Variants in ANO3 observed in about 807,000 individuals in gnomAD.
The protein encoded by ANO3 is anoctamin 3.
A neutral mutation model predicts 144.8 loss-of-function variants in ANO3; 99 were observed. The ratio of observed to expected loss-of-function variants is 0.68; its 90% CI spans 0.58 to 0.81. The LOEUF (loss-of-function observed/expected upper bound fraction) is 0.81. Among genes scored for constraint, ANO3 ranks in the 30% least tolerant of loss-of-function variants. ANO3 has a pLI of 0.00. For missense variants in ANO3, 905 were observed against 1,202.2 expected (o/e 0.75, Z 3.66); for synonymous variants, 414 against 392.6 (o/e 1.05, Z -0.64).
At position 26,598,974 on chromosome 11, in the gene ANO3, TTC is replaced by T; in HGVS notation, c.1649_1650del (p.Ser550CysfsTer65). ...SSDKVTRLLV[S>X]VSGIFFMISL... ...CAGACAAAGTCACTCGTCTTCTTGT[TTC>T]TGTCTCAGGAATATTCTTCATGGTA... On this transcript the variant is annotated frameshift_variant, in exon 16 of 27. Transcript: ENST00000256737. LOFTEE classifies it high-confidence loss of function. 6.2e-7 allele frequency: 1 copy of T among 1,614,032 alleles called. No homozygotes were observed. The highest frequency in any genetic ancestry group is 1.6e-4 in the Middle Eastern group (1 of 6,062).
At chr11:26,437,737 G>A (rs1361635995) in intron 1 of ANO3, among the ~76,000 whole-genome samples, 1 of 152,060 alleles carries the variant, frequency 6.6e-6, no homozygotes, top group African/African-American at 2.4e-5. Context: ...CCATGTTTAT[G>A]TTCATGTATG....
intron 5 of ANO3, among the ~76,000 whole-genome samples, chr11:26,508,943 C>T (rs567769991): frequency 2.2e-3 from 327 of 151,664 alleles, no homozygotes; most frequent in African/African-American, 7.4e-3. Flanking sequence ...TCAAATCATA[C>T]GCTTCTCTCC....
chr11:26,311,047 T>C (rs1439495031), intron 1 of ANO3, among the ~76,000 whole-genome samples: 1 of 152,188 alleles, frequency 6.6e-6, no homozygotes, highest in Non-Finnish European at 1.5e-5. Context: ...CAGAAGTTTC[T>C]TCATACTCAA....
rs1246785663 is a variant in ANO3 at position 26,408,469 on chromosome 11, G to GAAAC, written c.47-33446_47-33443dup. 6.0e-5 allele frequency among the ~76,000 whole-genome samples: 9 copies of GAAAC among 151,182 alleles called. No homozygotes were observed. The East Asian group carries it at 1.8e-3, about 30-fold the overall frequency. ...AGAATGGCAATCATTAAAAAGTCAGGAAACAACAGGTGCTGGAGAGGATGT... is the reference window on the plus strand; with the variant it reads ...AGAATGGCAATCATTAAAAAGTCAGGAAACAAACAACAGGTGCTGGAGAGGATGT... On this transcript the variant is annotated intron_variant, in intron 1 of 26. Transcript: ENST00000256737.
In ANO3 at chr11:26,378,626, G is replaced by A. The variant is rs529163440; in HGVS notation, c.46+46305G>A. Reference sequence around the variant, plus strand: ...CCAAATGTATAAAAAATGCATTGTTGTTAGCTCTGAGCGGTTTCAATTAAA... The same window carrying A: ...CCAAATGTATAAAAAATGCATTGTTATTAGCTCTGAGCGGTTTCAATTAAA... On this transcript the variant is annotated intron_variant, in intron 1 of 26. Coordinates refer to ENST00000256737, the MANE Select transcript of ANO3 (RefSeq NM_031418.4). Among the ~76,000 whole-genome samples, 3 of 151,906 alleles carry A rather than the reference G, an allele frequency of 2.0e-5. No homozygotes were observed. The East Asian group carries it at 5.8e-4, about 29-fold the overall frequency.
intron 1 of ANO3, among the ~76,000 whole-genome samples, chr11:26,195,277 T>C (rs1353294425): frequency 6.6e-6 from 1 of 152,168 alleles, no homozygotes; most frequent in African/African-American, 2.4e-5. Flanking sequence ...ATTAGCAACA[T>C]GCAACAGTGT....
At chr11:26,489,943 A>G (rs1375167983) in intron 4 of ANO3, among the ~76,000 whole-genome samples, 1 of 152,188 alleles carries the variant, frequency 6.6e-6, no homozygotes, top group East Asian at 1.9e-4. Flanking sequence ...ATTTTGGTTA[A>G]TGCTGAAATG....
chr11:26,603,615 C>A (rs938238588), intron 17 of ANO3, among the ~76,000 whole-genome samples: 2 of 151,878 alleles, frequency 1.3e-5, no homozygotes, highest in African/African-American at 4.8e-5. Flanking sequence ...ACATGAAATA[C>A]AGTTATATAA....
At chr11:26,516,363 C>G (rs1861864280) in intron 5 of ANO3, among the ~76,000 whole-genome samples, 1 of 151,166 alleles carries the variant, frequency 6.6e-6, no homozygotes, top group Non-Finnish European at 1.5e-5. Flanking sequence ...AGTATTATCA[C>G]AGGACCAAGC....
rs368991731 is a variant in ANO3, at chr11:26,403,902, G to A, written c.47-38016G>A. On this transcript the variant is annotated intron_variant, in intron 1 of 26. Transcript: ENST00000256737. ...GGATGATCATTTCCCAGATATTTGT[G>A]TGCTTTGCTTCCCATTTCATTCAGA... Among the ~76,000 whole-genome samples, 30 of 151,888 alleles carry A rather than the reference G, an allele frequency of 2.0e-4. No homozygotes were observed. In the South Asian group the frequency reaches 6.0e-3, roughly 30 times the overall value.
rs1859471890 is a variant in ANO3 at position 26,463,065 on chromosome 11, G to C, written c.349G>C (p.Glu117Gln). ...GKDKDYTDES[E>Q]HATYDRSRLI... ...AGATAAGGATTACACGGATGAATCA[G>C]AACACGCTACTTATGACCGATCTCG... Residue 117 changes from glutamate (E) to glutamine (Q), a missense_variant, in exon 4 of 27, where the codon GAA becomes CAA. Physicochemically the swap from Glu to Gln is conservative, Grantham distance 29. Transcript: ENST00000256737. 4.4e-6 allele frequency: 7 copies of C among 1,596,432 alleles called. No homozygotes were observed. Among genetic ancestry groups the C allele is most frequent in the African/African-American group, 1.3e-5 (1 of 74,098 alleles).
chr11:26,454,708 T>C (rs1859082979), intron 3 of ANO3, among the ~76,000 whole-genome samples: 1 of 151,312 alleles, frequency 6.6e-6, no homozygotes, highest in Admixed American at 6.6e-5. Context: ...AAAGAGGGAA[T>C]CCTCCCTCAT....
intron 1 of ANO3, among the ~76,000 whole-genome samples, chr11:26,198,754 G>C (rs1851636350): frequency 6.6e-6 from 1 of 152,080 alleles, no homozygotes; most frequent in African/African-American, 2.4e-5. Context: ...TGTTGACATA[G>C]TTTATGCCCC....
intron 1 of ANO3, among the ~76,000 whole-genome samples, chr11:26,204,142 T>A (rs1226484225): frequency 2.0e-5 from 3 of 152,092 alleles, no homozygotes; most frequent in Admixed American, 2.0e-4. Context: ...CTACACCCCC[T>A]CTGGGGAGCT....
At chr11:26,548,255 T>C (rs528415468) in intron 12 of ANO3, among the ~76,000 whole-genome samples, 122 of 152,080 alleles carry the variant, frequency 8.0e-4, no homozygotes, top group Non-Finnish European at 1.5e-3. Context: ...TCTGTTAAAG[T>C]TGAAGTGACT....
chr11:26,476,073 A>G (rs1859956814), intron 4 of ANO3, among the ~76,000 whole-genome samples: 1 of 152,100 alleles, frequency 6.6e-6, no homozygotes, highest in African/African-American at 2.4e-5. Context: ...CAGATAGCAC[A>G]TTTGAGAACC....
At position 26,547,418 on chromosome 11, in the gene ANO3, T is replaced by C. The variant is rs768451038; in HGVS notation, c.1157T>C (p.Leu386Pro). ...YKHQPLDLIR[L>P]YFGEKIGLYF... ...TAAGGATTTGCTTTCTCATGCAGGC[T>C]ATACTTTGGTGAGAAGATTGGACTA... Residue 386 changes from leucine (L) to proline (P), a missense_variant and splice_region_variant, in exon 12 of 27, where the codon CTA becomes CCA. Physicochemically the swap from Leu to Pro is moderately conservative, Grantham distance 98 (BLOSUM62 -3). This residue lies in a region of ANO3 where 597 missense variants were observed against 865.1 expected (regional missense o/e 0.69). Transcript: ENST00000256737. 1 of 1,611,462 alleles carries C rather than the reference T, an allele frequency of 6.2e-7. No homozygotes were observed. The highest frequency in any genetic ancestry group is 8.5e-7 in the Non-Finnish European group (1 of 1,178,148).
intron 1 of ANO3, among the ~76,000 whole-genome samples, chr11:26,223,823 T>C (rs907641533): frequency 5.3e-5 from 8 of 151,806 alleles, no homozygotes; most frequent in African/African-American, 1.9e-4. Context: ...GGCGCCACAT[T>C]CTTTTAAACA....
At chr11:26,558,532 T>G (rs2134241338) in intron 13 of ANO3, among the ~76,000 whole-genome samples, 1 of 152,280 alleles carries the variant, frequency 6.6e-6, no homozygotes, top group African/African-American at 2.4e-5. Flanking sequence ...CACTGATGAT[T>G]GTTTTGAAAA....
Sources: allele counts gnomAD v4.1 joint callset (sites outside exome capture counted in the v4.1 genomes callset), GRCh38; gene constraint gnomAD v4.1.1; regional missense constraint gnomAD v4.1.1; transcripts MANE v1.5; gene names NCBI Gene and HGNC (gene_info 2026-07-23, HGNC 2026-07-21).